LRMDA: variants seen among roughly 807,000 people sequenced by gnomAD.
LRMDA encodes leucine-rich melanocyte differentiation-associated protein.
LRMDA carries 18 observed loss-of-function variants against 29.8 expected under a neutral mutation model. That is an observed-to-expected ratio of 0.60 (90% CI 0.42 to 0.90). The LOEUF is 0.90. Ranked by LOEUF, LRMDA falls within the 40% of genes least tolerant of loss-of-function variation. The probability of loss-of-function intolerance (pLI) is 0.00; values close to 1 mark genes in which losing one functional copy is unlikely to be tolerated. For synonymous variants in LRMDA, 125 were observed against 109.4 expected, an observed-to-expected ratio of 1.14 and a Z score of -0.89; for missense variants, 273 against 273.9, an observed-to-expected ratio of 1.00 and a Z score of 0.02.
intron 6 of LRMDA, among the ~76,000 whole-genome samples, chr10:76,435,309 C>T (rs990447661): frequency 1.3e-5 from 2 of 152,164 alleles, no homozygotes; most frequent in Non-Finnish European, 2.9e-5. Flanking sequence ...CAAGATGTGG[C>T]CTTTCAGTCC....
At chr10:76,440,469 G>T (rs1279559288) in intron 6 of LRMDA, among the ~76,000 whole-genome samples, 2 of 152,054 alleles carry the variant, frequency 1.3e-5, no homozygotes, top group Non-Finnish European at 2.9e-5. Flanking sequence ...CCCTCTTTTA[G>T]TTTCGCTGAG....
intron 5 of LRMDA, among the ~76,000 whole-genome samples, chr10:76,148,804 G>A (rs1188929231): frequency 6.6e-6 from 1 of 152,122 alleles, no homozygotes; most frequent in Non-Finnish European, 1.5e-5. Flanking sequence ...GCTGTAGATC[G>A]GAGGTGTTCC....
At chr10:76,421,257 T>C (rs1842069127) in intron 6 of LRMDA, among the ~76,000 whole-genome samples, 1 of 152,186 alleles carries the variant, frequency 6.6e-6, no homozygotes. Context: ...TCTTTTGTCA[T>C]TATGAAATAT....
intron 6 of LRMDA, among the ~76,000 whole-genome samples, chr10:76,512,381 A>G (rs1015329126): frequency 2.0e-5 from 3 of 152,364 alleles, no homozygotes; most frequent in East Asian, 1.9e-4. Context: ...GGATAAATGT[A>G]TAGATCAATG....
chr10:75,908,510 A>G (rs1423898037), intron 2 of LRMDA, among the ~76,000 whole-genome samples: 1 of 152,198 alleles, frequency 6.6e-6, no homozygotes, highest in Non-Finnish European at 1.5e-5. Flanking sequence ...ATACTTGTGC[A>G]TTTTTTGGGA....
intron 2 of LRMDA, among the ~76,000 whole-genome samples, chr10:75,693,554 T>C (rs1344034544): frequency 6.6e-6 from 1 of 152,204 alleles, no homozygotes; most frequent in East Asian, 1.9e-4. Flanking sequence ...CAAGTTCTAT[T>C]TGTGTAATAG....
intron 2 of LRMDA, among the ~76,000 whole-genome samples, chr10:75,752,425 A>C (rs1284655554): frequency 6.6e-6 from 1 of 152,038 alleles, no homozygotes; most frequent in Non-Finnish European, 1.5e-5. Context: ...GTTAGCCAGG[A>C]TGCTCTTGAT....
intron 6 of LRMDA, among the ~76,000 whole-genome samples, chr10:76,331,997 A>C (rs561104559): frequency 1.3e-5 from 2 of 152,304 alleles, no homozygotes; most frequent in African/African-American, 4.8e-5. Context: ...GTGCTGAATA[A>C]ATTGTACTTT....
intron 2 of LRMDA, among the ~76,000 whole-genome samples, chr10:75,827,058 G>T (rs2132287037): frequency 6.6e-6 from 1 of 152,260 alleles, no homozygotes; most frequent in Non-Finnish European, 1.5e-5. Context: ...CTTCTTAGAA[G>T]AAAAGATGCA....
At chr10:76,015,576 G>A (rs1181562863) in intron 2 of LRMDA, among the ~76,000 whole-genome samples, 1 of 152,164 alleles carries the variant, frequency 6.6e-6, no homozygotes. Flanking sequence ...TATCCATCAC[G>A]TCTGCAGGAT....
chr10:76,321,335 A>G (rs748782330), intron 5 of LRMDA, among the ~76,000 whole-genome samples: 23 of 152,160 alleles, frequency 1.5e-4, no homozygotes, highest in Non-Finnish European at 2.9e-4. Context: ...CTTTGTTCTC[A>G]CTAGTACCTG....
intron 2 of LRMDA, among the ~76,000 whole-genome samples, chr10:75,650,886 G>T (rs892909030): frequency 2.0e-5 from 3 of 152,020 alleles, no homozygotes; most frequent in Non-Finnish European, 4.4e-5. Context: ...GGGCAAACAG[G>T]GCCAGAGAGA....
chr10:75,598,183 A>T (rs548198841), intron 2 of LRMDA, among the ~76,000 whole-genome samples: 1 of 152,200 alleles, frequency 6.6e-6, no homozygotes, highest in African/African-American at 2.4e-5. Flanking sequence ...CGAATTGTGC[A>T]TGTTTAGCAG....
At chr10:75,973,018 ACAACAGCAG>A (rs1411881450) in intron 2 of LRMDA, among the ~76,000 whole-genome samples, 74 of 134,272 alleles carry the variant, frequency 5.5e-4, no homozygotes, top group African/African-American at 1.9e-3. Context: ...AACCACTTTA[ACAACAGCAG>A]CAGCAGCAGC....
intron 2 of LRMDA, among the ~76,000 whole-genome samples, chr10:75,584,514 T>C (rs981932407): frequency 2.0e-5 from 3 of 152,114 alleles, no homozygotes; most frequent in Non-Finnish European, 4.4e-5. Context: ...TCAGTGAATG[T>C]TTAGGTGGAT....
At chr10:76,055,089 A>G (rs4237284) in intron 4 of LRMDA, among the ~76,000 whole-genome samples, 30,712 of 124,630 alleles carry the variant, frequency 0.25, 3,349 homozygotes, top group Non-Finnish European at 0.36. Flanking sequence ...AAAAAAAAAA[A>G]AAAAAGAAAA....
chr10:75,795,124 A>C (rs1455149136), intron 2 of LRMDA, among the ~76,000 whole-genome samples: 2 of 152,104 alleles, frequency 1.3e-5, no homozygotes, highest in African/African-American at 4.8e-5. Flanking sequence ...GGCTGGGCAC[A>C]GTGGCTCACA....
At chr10:75,601,136 G>T (rs1840880534) in intron 2 of LRMDA, 1 of 152,134 alleles carries the variant, frequency 6.6e-6, no homozygotes, top group Non-Finnish European at 1.5e-5. Context: ...AACATTCAAG[G>T]GTTTGTAAAG....
At position 76,416,223 on chromosome 10, in the gene LRMDA, C is replaced by T. The variant is rs2132514539; in HGVS notation, c.601+91738C>T. On this transcript the variant is annotated intron_variant, in intron 6 of 6. Transcript: ENST00000611255. ...AGTTTCGGAAAGGAAAGATTTGTGA[C>T]TCTCTGAAGGTGGTTCACATGACCC... is the stretch of plus-strand genomic sequence containing the variant. 2.0e-5 allele frequency among the ~76,000 whole-genome samples: 3 copies of T among 152,326 alleles called. No homozygotes were observed. In the South Asian group the frequency reaches 6.2e-4, roughly 32 times the overall value.
Sources: gnomAD v4.1 joint callset for allele counts (sites outside exome capture counted in the v4.1 genomes callset) on GRCh38, gnomAD v4.1.1 for gene constraint, MANE v1.5 for transcripts, NCBI Gene and HGNC (gene_info 2026-07-23, HGNC 2026-07-21) for gene names.